Variants in NUBPL observed in about 807,000 individuals in gnomAD.
NUBPL encodes the protein iron-sulfur cluster transfer protein NUBPL.
NUBPL carries 31 observed loss-of-function variants against 45.7 expected under a neutral mutation model. That is an observed-to-expected ratio of 0.68 (90% confidence interval 0.51 to 0.92). The LOEUF is 0.92. NUBPL is among the 40% of genes least tolerant of loss of function. The probability of loss-of-function intolerance (pLI) is 0.00; values close to 1 mark genes in which losing one functional copy is unlikely to be tolerated. For synonymous variants in NUBPL, 144 were observed against 140.9 expected (o/e 1.02, Z -0.15); for missense variants, 401 against 398.7 (o/e 1.01, Z -0.05).
chr14:31,615,343 C>T (rs1218274620), intron 4 of NUBPL, among the ~76,000 whole-genome samples: 7 of 152,060 alleles, frequency 4.6e-5, no homozygotes, highest in Non-Finnish European at 8.8e-5. Context: ...ATGTGCAGAA[C>T]GTGCAGGTTT....
intron 6 of NUBPL, among the ~76,000 whole-genome samples, chr14:31,716,924 TCTG>T (rs953840684): frequency 1.2e-4 from 18 of 152,206 alleles, no homozygotes; most frequent in Non-Finnish European, 2.9e-5. Context: ...TTCTCCCATC[TCTG>T]CTGCTATCCT....
chr14:31,657,307 T>C (rs2036163517), intron 4 of NUBPL, among the ~76,000 whole-genome samples: 1 of 152,252 alleles, frequency 6.6e-6, no homozygotes. Context: ...GGGCCATTCA[T>C]ATAAGCTTTC....
intron 10 of NUBPL, among the ~76,000 whole-genome samples, chr14:31,850,745 C>T (rs1192775634): frequency 6.6e-6 from 1 of 152,056 alleles, no homozygotes; most frequent in Non-Finnish European, 1.5e-5. Flanking sequence ...CTCACCCTCC[C>T]CTCCCGAGTA....
At chr14:31,708,673 G>A (rs544124984) in intron 6 of NUBPL, among the ~76,000 whole-genome samples, 14 of 152,312 alleles carry the variant, frequency 9.2e-5, no homozygotes, top group South Asian at 2.1e-4. Context: ...AGAAGGCTGC[G>A]CCAGTGTCTA....
intron 4 of NUBPL, among the ~76,000 whole-genome samples, chr14:31,635,106 T>G (rs2035453921): frequency 6.8e-6 from 1 of 147,352 alleles, no homozygotes; most frequent in Non-Finnish European, 1.5e-5. Context: ...AGATCCCATT[T>G]GTCAATTTTG....
chr14:31,739,175 G>C (rs2038223271), intron 6 of NUBPL, among the ~76,000 whole-genome samples: 1 of 132,086 alleles, frequency 7.6e-6, no homozygotes, highest in Non-Finnish European at 1.6e-5. Flanking sequence ...CACCACACCT[G>C]GCTAATATAT....
chr14:31,768,392 C>T (rs2038951008), intron 6 of NUBPL, among the ~76,000 whole-genome samples: 1 of 152,212 alleles, frequency 6.6e-6, no homozygotes, highest in South Asian at 2.1e-4. Flanking sequence ...TTCTGCACAT[C>T]AGTAAGCATC....
chr14:31,749,464 G>A (rs1014494964), intron 6 of NUBPL, among the ~76,000 whole-genome samples: 2 of 152,042 alleles, frequency 1.3e-5, no homozygotes, highest in Non-Finnish European at 2.9e-5. Context: ...GATTTTTGCT[G>A]GGTATAGTAT....
At chr14:31,733,163 A>G (rs2038090411) in intron 6 of NUBPL, among the ~76,000 whole-genome samples, 1 of 152,194 alleles carries the variant, frequency 6.6e-6, no homozygotes, top group Non-Finnish European at 1.5e-5. Flanking sequence ...TTGGTTGAAA[A>G]AAAATGTTTA....
chr14:31,614,943 A>C (rs1249776510), intron 4 of NUBPL, among the ~76,000 whole-genome samples: 1 of 152,190 alleles, frequency 6.6e-6, no homozygotes, highest in African/African-American at 2.4e-5. Flanking sequence ...TAAACTTTGC[A>C]AAGTAGATAA....
At position 31,728,604 on chromosome 14, in the gene NUBPL, AT is replaced by A. The variant is rs145710970; in HGVS notation, c.513+55033del. 2.0e-3 allele frequency among the ~76,000 whole-genome samples: 306 copies of A among 152,330 alleles called. 2 individuals are homozygous for A. Among genetic ancestry groups the A allele is most frequent in the African/African-American group, 7.1e-3 (294 of 41,586 alleles). Reference sequence around the variant, plus strand: ...AGTTAATGACTGCAAAGTAATATCAATTTAGAAGGGTCAAAGAGAAATAAGA... The same window carrying A: ...AGTTAATGACTGCAAAGTAATATCAATTAGAAGGGTCAAAGAGAAATAAGA... On this transcript the variant is annotated intron_variant, in intron 6 of 10. Transcript: ENST00000281081.
intron 8 of NUBPL, among the ~76,000 whole-genome samples, chr14:31,837,474 G>A (rs749261719): frequency 6.6e-6 from 1 of 152,068 alleles, no homozygotes; most frequent in Non-Finnish European, 1.5e-5. Flanking sequence ...ACTGTCCAGT[G>A]GAAATATAAA....
intron 4 of NUBPL, among the ~76,000 whole-genome samples, chr14:31,641,036 C>T (rs980276558): frequency 6.6e-6 from 1 of 152,098 alleles, no homozygotes; most frequent in African/African-American, 2.4e-5. Context: ...ACTGCAACCT[C>T]TGCCTCCTGG....
chr14:31,665,586 A>C lies in NUBPL; in HGVS notation c.383-7769A>C, dbSNP rs531573679. On this transcript the variant is annotated intron_variant, in intron 4 of 10. Coordinates refer to ENST00000281081, the MANE Select transcript of NUBPL (RefSeq NM_025152.3). Reference sequence around the variant, plus strand: ...TCTAACTTGATTGCACCATGGTGTGAGAGAGAGACTGTTTGTTATGATTTC... The same window carrying C: ...TCTAACTTGATTGCACCATGGTGTGCGAGAGAGACTGTTTGTTATGATTTC... Among the ~76,000 whole-genome samples, 3 of 152,238 alleles carry C rather than the reference A, an allele frequency of 2.0e-5. No homozygotes were observed. The South Asian group carries it at 6.2e-4, about 32-fold the overall frequency.
chr14:31,788,392 C>T (rs892358639), intron 7 of NUBPL, among the ~76,000 whole-genome samples: 1 of 152,298 alleles, frequency 6.6e-6, no homozygotes, highest in African/African-American at 2.4e-5. Context: ...CAAGTCTCTG[C>T]CATTGTCTTT....
intron 4 of NUBPL, among the ~76,000 whole-genome samples, chr14:31,673,064 A>AT (rs762872701): frequency 1.5e-4 from 23 of 152,292 alleles, no homozygotes; most frequent in Non-Finnish European, 2.2e-4. Context: ...GTTAACAATC[A>AT]TTTTTTGTAT....
chr14:31,623,335 C>T (rs966746579), intron 4 of NUBPL, among the ~76,000 whole-genome samples: 6 of 152,184 alleles, frequency 3.9e-5, no homozygotes, highest in Non-Finnish European at 1.5e-5. Context: ...AGACTTTGAA[C>T]TTGGACTTCT....
At chr14:31,855,255 G>T (rs2040598567) in intron 10 of NUBPL, among the ~76,000 whole-genome samples, 1 of 152,172 alleles carries the variant, frequency 6.6e-6, no homozygotes, top group African/African-American at 2.4e-5. Context: ...CAGCACATTT[G>T]ATTTGAGAGA....
chr14:31,603,497 C>T (rs1362637273), intron 4 of NUBPL, among the ~76,000 whole-genome samples: 3 of 151,842 alleles, frequency 2.0e-5, no homozygotes, highest in Non-Finnish European at 4.4e-5. Context: ...ACTATATTTA[C>T]TCCTGTATAT....
Sources: gnomAD v4.1 joint callset for allele counts (sites outside exome capture counted in the v4.1 genomes callset) on GRCh38, gnomAD v4.1.1 for gene constraint, MANE v1.5 for transcripts, NCBI Gene and HGNC (gene_info 2026-07-23, HGNC 2026-07-21) for gene names.